Variants in SYMPK observed in about 807,000 individuals in gnomAD.
SYMPK encodes the protein symplekin scaffold protein.
SYMPK carries 49 observed loss-of-function variants against 136.4 expected under a neutral mutation model. That is an observed-to-expected ratio of 0.36 (90% CI 0.29 to 0.46). The LOEUF is 0.46. Ranked by LOEUF, SYMPK falls within the 20% of genes least tolerant of loss-of-function variation. The pLI, the probability that SYMPK is intolerant of heterozygous loss-of-function variation, is 1.00. For missense variants in SYMPK, 1,365 were observed against 1,690.0 expected (o/e 0.81, Z 3.37); for synonymous variants, 766 against 713.0 (o/e 1.07, Z -1.19).
chr19:45,853,530 CAA>C (rs1971743696), intron 3 of SYMPK, among the ~76,000 whole-genome samples: 1 of 151,278 alleles, frequency 6.6e-6, no homozygotes, highest in African/African-American at 2.4e-5. Flanking sequence ...CTCAGCTACT[CAA>C]GAGGCTGAGG....
chr19:45,843,761 A>C lies in SYMPK; in HGVS notation c.847+269T>G, dbSNP rs536072417. On this transcript the variant is annotated intron_variant, in intron 8 of 26. Coordinates refer to ENST00000245934, the MANE Select transcript of SYMPK (RefSeq NM_004819.3). ...AGAGATAGAGATCATCCTGGCCAAC[A>C]CGGTGAAACCCCGTCTCTACTAAAA... 5.9e-5 allele frequency among the ~76,000 whole-genome samples: 9 copies of C among 152,018 alleles called. No homozygotes were observed. The South Asian group carries it at 1.9e-3, about 32-fold the overall frequency.
intron 1 of SYMPK, among the ~76,000 whole-genome samples, chr19:45,859,540 C>T (rs1971911620): frequency 6.6e-6 from 1 of 152,044 alleles, no homozygotes; most frequent in South Asian, 2.1e-4. Flanking sequence ...GCAGACGTTG[C>T]AGCGAGCCGA....
rs755569665 is a variant in SYMPK at position 45,831,460 on chromosome 19, A to C, written c.1522T>G (p.Ser508Ala). Reference protein sequence around the residue: ...QAISVVGSLSSMSPLEEEAPQ... With the variant: ...QAISVVGSLSAMSPLEEEAPQ... The stretch of plus-strand genomic sequence containing the variant: ...GCCTCTTCCTCCAGGGGGGACATGG[A>C]GCTCAGGGAACCCACCACCGAGATG... Residue 508 changes from serine (S) to alanine (A), a missense_variant, in exon 12 of 27, where the codon TCC becomes GCC. Coordinates refer to ENST00000245934, the MANE Select transcript of SYMPK (RefSeq NM_004819.3). The C allele has an allele frequency of 1.9e-6, 3 of 1,580,658 alleles. No homozygotes were observed. The South Asian group carries it at 3.4e-5, about 18-fold the overall frequency.
chr19:45,857,423 A>C (rs1336063026), intron 1 of SYMPK, among the ~76,000 whole-genome samples: 24 of 150,986 alleles, frequency 1.6e-4, no homozygotes, highest in African/African-American at 3.4e-4. Context: ...AAAAAAAAAA[A>C]AAAAAAAAAA....
At chr19:45,854,806 C>T in intron 1 of SYMPK, 1 of 410,940 alleles carries the variant, frequency 2.4e-6, no homozygotes, top group Non-Finnish European at 4.6e-6. Context: ...GTGCAACAGC[C>T]ACCTTGCAGG....
intron 12 of SYMPK, chr19:45,830,538 G>T (rs1033247337): frequency 1.2e-5 from 3 of 248,986 alleles, no homozygotes; most frequent in African/African-American, 6.5e-5. Context: ...ACGAGTGGAG[G>T]AGGGGTGAGG....
chr19:45,848,544 G>A lies in SYMPK; in HGVS notation c.426+206C>T, dbSNP rs113996938. Among the ~76,000 whole-genome samples, 657 of 152,292 alleles carry A rather than the reference G, an allele frequency of 4.3e-3. 6 individuals are homozygous for A. The highest frequency in any genetic ancestry group is 0.015 in the African/African-American group (635 of 41,560). ...GGGAATGTCTGTTGAGTGAATAAACGGATGGTCAATGGAAGGAATGAAGGT... is the reference window on the plus strand; with the variant it reads ...GGGAATGTCTGTTGAGTGAATAAACAGATGGTCAATGGAAGGAATGAAGGT... On this transcript the variant is annotated intron_variant, in intron 6 of 26. Coordinates refer to ENST00000245934, the MANE Select transcript of SYMPK (RefSeq NM_004819.3).
intron 17 of SYMPK, 46 bp downstream of exon 17, chr19:45,826,180 G>A (rs7246155): frequency 0.85 from 1,326,989 of 1,569,916 alleles, 561,313 homozygotes; most frequent in African/African-American, 0.9. Context: ...GGCCCAGAGC[G>A]CGGACACAGC....
chr19:45,834,995 C>G (rs371125109), intron 11 of SYMPK, 83 bp downstream of exon 11: 3 of 1,319,762 alleles, frequency 2.3e-6, no homozygotes, highest in Non-Finnish European at 3.0e-6. Context: ...AACTGCACCA[C>G]GAGAAGTTGC....
chr19:45,850,169 C>T lies in SYMPK; in HGVS notation c.300-1293G>A, dbSNP rs549267951. 2.5e-4 allele frequency among the ~76,000 whole-genome samples: 38 copies of T among 152,222 alleles called. 1 individual carries two copies. Among genetic ancestry groups the T allele is most frequent in the Admixed American group, 2.4e-3 (36 of 15,280 alleles). On this transcript the variant is annotated intron_variant, in intron 5 of 26. Transcript: ENST00000245934. Reference sequence around the variant, plus strand: ...GCTGAGGGAGGACAATCACTTGACTCAGGAGGCAGAGGTTGTAGTCAGCCG... The same window carrying T: ...GCTGAGGGAGGACAATCACTTGACTTAGGAGGCAGAGGTTGTAGTCAGCCG...
At chr19:45,828,646 T>A (rs1568612723) in intron 14 of SYMPK, 1 of 357,688 alleles carries the variant, frequency 2.8e-6, no homozygotes, top group East Asian at 5.4e-5. Flanking sequence ...TGTAGAGAAG[T>A]CTATCTCCAG....
intron 18 of SYMPK, chr19:45,824,122 C>A: frequency 2.0e-6 from 1 of 506,976 alleles, no homozygotes; most frequent in East Asian, 3.6e-5. Context: ...TCCTGCGGGC[C>A]ACTCCTCTGT....
At position 45,854,295 on chromosome 19, in the gene SYMPK, G is replaced by A. The variant is rs552191955; in HGVS notation, c.106-55C>T. The A allele has an allele frequency of 3.1e-6, 5 of 1,606,012 alleles. No individual in the cohort carries two copies. In the East Asian group the frequency reaches 1.1e-4, roughly 36 times the overall value. ...TGCCAGCCCAGTCCAGCCCAGTGCA[G>A]CCCCCTCGGCACTCCCAGGGCTCTG... On this transcript the variant is annotated intron_variant, in intron 2 of 26. Transcript: ENST00000245934.
At chr19:45,855,462 G>GTCTTGC (rs1971801474) in intron 1 of SYMPK, 1 of 151,982 alleles carries the variant, frequency 6.6e-6, no homozygotes, top group South Asian at 2.1e-4. Context: ...CAAATAGGGA[G>GTCTTGC]ACTGGCTGAA....
chr19:45,835,180 G>A lies in SYMPK; in HGVS notation c.1291C>T (p.Gln431Ter). ...YLPEAMPASF[Q>*]AIYTPVESAG... is the part of the protein sequence containing the mutation. Reference sequence around the variant, plus strand: ...GACTCCACGGGGGTGTAGATGGCCTGGAAGGAGGCTGGCATGGCCTCGGGT... The same window carrying A: ...GACTCCACGGGGGTGTAGATGGCCTAGAAGGAGGCTGGCATGGCCTCGGGT... The change falls in exon 11 of 27, where the codon CAG becomes TAG. Residue 431 changes from glutamine (Q) to a stop codon, truncating the protein, a stop_gained. Coordinates refer to ENST00000245934, the MANE Select transcript of SYMPK (RefSeq NM_004819.3). LOFTEE classifies it high-confidence loss of function. 6.2e-7 allele frequency: 1 copy of A among 1,611,970 alleles called. No homozygotes were observed.
chr19:45,830,270 C>G (rs371570556), intron 12 of SYMPK, 66 bp from the exon 13 acceptor site: 17 of 1,530,628 alleles, frequency 1.1e-5, no homozygotes, highest in Non-Finnish European at 1.5e-5. Context: ...TCTGGTGACT[C>G]TCCCAACTTC....
In SYMPK at chr19:45,821,855, A is replaced by C. The variant is rs1970908202; in HGVS notation, c.2792-370T>G. On this transcript the variant is annotated intron_variant, in intron 21 of 26. Coordinates refer to ENST00000245934, the MANE Select transcript of SYMPK (RefSeq NM_004819.3). The surrounding 1 kb of genome is among the most constrained non-coding windows in gnomAD (Gnocchi z 4.4). ...AGGGGGTCATGGGCATTTGTGGCAC[A>C]GGGCAAGATGGAGCCAGGCTACAGG... 6.6e-6 allele frequency among the ~76,000 whole-genome samples: 1 copy of C among 152,190 alleles called. No individual in the cohort carries two copies. Among genetic ancestry groups the C allele is most frequent in the African/African-American group, 2.4e-5 (1 of 41,462 alleles).
chr19:45,817,680 G>A (rs928865459), intron 23 of SYMPK, among the ~76,000 whole-genome samples: 1 of 152,094 alleles, frequency 6.6e-6, no homozygotes, highest in Non-Finnish European at 1.5e-5. Context: ...CATCCTGGCC[G>A]GGCACACAGC....
chr19:45,816,768 G>GA lies in SYMPK; in HGVS notation c.3258+29dup. 2.0e-6 allele frequency: 3 copies of GA among 1,503,688 alleles called. No individual in the cohort carries two copies. In the South Asian group the frequency reaches 3.7e-5, roughly 19 times the overall value. The allele number at this position is 1,503,688 out of a possible 1,614,324, so 93.1% of individuals were successfully genotyped here. Reference sequence around the variant, plus strand: ...GCCCACCGCACACCCTGGGTGGGGGGAAAGGGTACCTGGTGGGGGGAAGGG... The same window carrying GA: ...GCCCACCGCACACCCTGGGTGGGGGGAAAAGGGTACCTGGTGGGGGGAAGGG... On this transcript the variant is annotated intron_variant, in intron 24 of 26. Transcript: ENST00000245934.
Sources: allele counts gnomAD v4.1 joint callset (sites outside exome capture counted in the v4.1 genomes callset), GRCh38; gene constraint gnomAD v4.1.1; non-coding constraint Gnocchi (gnomAD v3.1); transcripts MANE v1.5; gene names NCBI Gene and HGNC (gene_info 2026-07-23, HGNC 2026-07-21).